The following DNAH5 variants were observed in gnomAD, a reference collection of about 807,000 sequenced individuals.
DNAH5 encodes axonemal beta dynein heavy chain 5.
DNAH5 carries 372 observed loss-of-function variants against 518.2 expected under a neutral mutation model. The ratio of observed to expected loss-of-function variants is 0.72; its 90% CI spans 0.66 to 0.78. The LOEUF (loss-of-function observed/expected upper bound fraction) is 0.78. Among genes scored for constraint, DNAH5 ranks in the 30% least tolerant of loss-of-function variants. The pLI, the probability that DNAH5 is intolerant of heterozygous loss-of-function variation, is 0.00. For missense variants in DNAH5, 5,523 were observed against 5,687.0 expected (o/e 0.97, Z 0.93); for synonymous variants, 2,039 against 2,025.9 (o/e 1.01, Z -0.17).
chr5:13,909,837 A>G (rs781100975), intron 12 of DNAH5, among the ~76,000 whole-genome samples: 14 of 152,230 alleles, frequency 9.2e-5, no homozygotes, highest in Non-Finnish European at 1.6e-4. Flanking sequence ...TTCTGTATTC[A>G]TAACCTACAG....
chr5:13,876,123 AG>A (rs1770855519), intron 22 of DNAH5, among the ~76,000 whole-genome samples: 1 of 152,204 alleles, frequency 6.6e-6, no homozygotes, highest in Non-Finnish European at 1.5e-5. Flanking sequence ...TGAACAAAAA[AG>A]GGGAAGTTGA....
intron 55 of DNAH5, among the ~76,000 whole-genome samples, chr5:13,774,134 A>G (rs947292036): frequency 1.3e-5 from 2 of 152,166 alleles, no homozygotes; most frequent in Non-Finnish European, 2.9e-5. Flanking sequence ...TCTGTCTGCA[A>G]TGTGAGATGG....
intron 78 of DNAH5, among the ~76,000 whole-genome samples, chr5:13,698,173 T>C (rs1452960840): frequency 6.6e-6 from 1 of 152,204 alleles, no homozygotes; most frequent in Non-Finnish European, 1.5e-5. Flanking sequence ...GGTGGCATCA[T>C]GCCCTTGGAC....
At chr5:13,868,879 G>T (rs1769673053) in intron 24 of DNAH5, among the ~76,000 whole-genome samples, 1 of 152,128 alleles carries the variant, frequency 6.6e-6, no homozygotes, top group African/African-American at 2.4e-5. Context: ...GTGTCTGGGG[G>T]TATGAAAGGG....
rs570033144 is a variant in DNAH5 at position 13,852,446 on chromosome 5, C to T, written c.4951-1631G>A. ...CCTCCCAAATTGCTGGGATTACAGG[C>T]GTGAGCCACCACGCCCAGCCAGTTT... On this transcript the variant is annotated intron_variant, in intron 30 of 78. Transcript: ENST00000265104. 1.1e-4 allele frequency among the ~76,000 whole-genome samples: 17 copies of T among 151,574 alleles called. No homozygotes were observed. The South Asian group carries it at 2.3e-3, about 21-fold the overall frequency.
chr5:13,808,711 G>C (rs1480105705), intron 46 of DNAH5, among the ~76,000 whole-genome samples: 1 of 151,398 alleles, frequency 6.6e-6, no homozygotes, highest in African/African-American at 2.4e-5. Context: ...TGTAATCCCA[G>C]CACTTTGGGA....
At chr5:13,759,812 A>AT (rs1281218571) in intron 60 of DNAH5, among the ~76,000 whole-genome samples, 47 of 152,348 alleles carry the variant, frequency 3.1e-4, no homozygotes, top group African/African-American at 1.1e-3. Flanking sequence ...TAAAGTGTTA[A>AT]TATTGACTTT....
chr5:13,777,219 C>G lies in DNAH5; in HGVS notation c.9088G>C (p.Val3030Leu), dbSNP rs772987380. Residue 3030 changes from valine to leucine, a missense_variant, in exon 54 of 79, where the codon GTT (valine) becomes CTT (leucine). Physicochemically the swap from Val to Leu is conservative, Grantham distance 32. This residue lies in a region of DNAH5 where 5,121 missense variants were observed against 5,223.3 expected (regional missense o/e 0.98). Coordinates refer to ENST00000265104, the MANE Select transcript of DNAH5 (RefSeq NM_001369.3). Reference protein sequence around the residue: ...DESFLEYMNNVLSSGEVSNLF... With the variant: ...DESFLEYMNNLLSSGEVSNLF... ...GCTCCTACCTCACCTGATGATAAAACATTGTTCATATATTCCAAAAATGAC... is the reference window on the plus strand; with the variant it reads ...GCTCCTACCTCACCTGATGATAAAAGATTGTTCATATATTCCAAAAATGAC... 1.4e-5 allele frequency: 22 copies of G among 1,612,648 alleles called. 1 individual carries two copies. The South Asian group carries it at 2.4e-4, about 18-fold the overall frequency.
intron 69 of DNAH5, among the ~76,000 whole-genome samples, chr5:13,728,499 T>A (rs944163012): frequency 5.9e-5 from 9 of 152,182 alleles, no homozygotes; most frequent in Admixed American, 2.0e-4. Flanking sequence ...TTGAGGGGTT[T>A]CGTGCATAAG....
intron 16 of DNAH5, among the ~76,000 whole-genome samples, chr5:13,893,386 C>G (rs563818973): frequency 1.3e-5 from 2 of 152,140 alleles, no homozygotes; most frequent in African/African-American, 4.8e-5. Flanking sequence ...TGAAGAGAGA[C>G]TAAGTATATA....
chr5:13,867,855 C>A lies in DNAH5; in HGVS notation c.3972G>T (p.Gln1324His). Residue 1324 changes from glutamine to histidine, a missense_variant, in exon 25 of 79, where the codon CAG becomes CAT. Gln to His is a conservative substitution (Grantham distance 24, BLOSUM62 0). Coordinates refer to ENST00000265104, the MANE Select transcript of DNAH5 (RefSeq NM_001369.3). The part of the protein sequence containing the change: ...GEVQNKLVSL[Q>H]PSFKKELISA... ...TAATAAGCTCTTTCTTGAAACTGGG[C>A]TGCAGTGAGACTAATTTATTCTGGA... 1 of 1,614,106 alleles carries A rather than the reference C, an allele frequency of 6.2e-7. No individual in the cohort carries two copies. Among genetic ancestry groups the A allele is most frequent in the South Asian group, 1.1e-5 (1 of 91,078 alleles).
At chr5:13,984,323 T>A (rs1374975922) in intron 1 of DNAH5, among the ~76,000 whole-genome samples, 1 of 152,242 alleles carries the variant, frequency 6.6e-6, no homozygotes, top group East Asian at 1.9e-4. Context: ...AATTTGGCTC[T>A]CTGTCTGTCT....
rs1166740813 is a variant in DNAH5 at position 13,809,102 on chromosome 5, G to C, written c.7694C>G (p.Pro2565Arg). 6.2e-7 allele frequency: 1 copy of C among 1,614,028 alleles called. No homozygotes were observed. Among genetic ancestry groups the C allele is most frequent in the Non-Finnish European group, 8.5e-7 (1 of 1,180,034 alleles). ...TTPEYGSILV[P>R]NVDNVRTDFL... ...GTCAGTCCTCACATTGTCAACATTT[G>C]GCACCAGAATAGAACCATACTCTGG... Residue 2565 changes from proline to arginine, a missense_variant, in exon 46 of 79, where the codon CCA becomes CGA. By Grantham distance (103) the Pro-to-Arg change is moderately radical (BLOSUM62 -2). Around this residue, in one of 3 missense-constraint regions of DNAH5, gnomAD observed 5,121 missense variants for 5,223.3 expected, o/e 0.98. Transcript: ENST00000265104.
rs973106947 is a variant in DNAH5 at position 13,777,346 on chromosome 5, G to A, written c.8961C>T (p.Asn2987=). ...SFQITLTRSY[N]TSNLMEDLKV... is the part of the protein sequence containing the mutation. Reference sequence around the variant, plus strand: ...TCAGATCTTCCATCAGATTTGATGTGTTGTAGGATCTAAAGAAATATTTTC... The same window carrying A: ...TCAGATCTTCCATCAGATTTGATGTATTGTAGGATCTAAAGAAATATTTTC... Residue 2987 remains asparagine (N), a synonymous_variant, in exon 54 of 79, where the codon AAC becomes AAT. Transcript: ENST00000265104. The A allele has an allele frequency of 1.9e-6, 3 of 1,612,996 alleles. No individual in the cohort carries two copies. The African/African-American group carries it at 4.0e-5, about 22-fold the overall frequency.
In DNAH5 at chr5:13,913,855, G is replaced by A; in HGVS notation, c.1424C>T (p.Thr475Ile). 6.2e-7 allele frequency: 1 copy of A among 1,613,626 alleles called. No individual in the cohort carries two copies. The highest frequency in any genetic ancestry group is 2.2e-5 in the East Asian group (1 of 44,854). ...TATCTTGGCAAGGCGTCGGTGAAAA[G>A]TTTCGAATTTTCCAAAAATATACAT... ...SEMYIFGKFE[T>I]FHRRLAKIID... Residue 475 changes from threonine (T) to isoleucine (I), a missense_variant, in exon 11 of 79, where the codon ACT becomes ATT. Thr to Ile is a moderately conservative substitution (Grantham distance 89, BLOSUM62 -1). This residue lies in a region of DNAH5 where 5,121 missense variants were observed against 5,223.3 expected (regional missense o/e 0.98). Transcript: ENST00000265104.
At position 13,814,838 on chromosome 5, in the gene DNAH5, T is replaced by C. The variant is rs768564673; in HGVS notation, c.6997A>G (p.Ile2333Val). 3.7e-6 allele frequency: 6 copies of C among 1,613,602 alleles called. No homozygotes were observed. The highest frequency in any genetic ancestry group is 4.2e-6 in the Non-Finnish European group (5 of 1,179,914). The change falls in exon 43 of 79, where the codon ATC (isoleucine) becomes GTC (valine). Residue 2333 changes from isoleucine (I) to valine (V), a missense_variant. Around this residue, in one of 3 missense-constraint regions of DNAH5, gnomAD observed 5,121 missense variants for 5,223.3 expected, o/e 0.98. Transcript: ENST00000265104. ...ACTGGACCATCAAGAATTATCCAGA[T>C]ATGTTCCCCTAGAATACCCCACCAA... Reference protein sequence around the residue: ...KTLRAKKGEHIWIILDGPVDA... With the variant: ...KTLRAKKGEHVWIILDGPVDA...
chr5:13,731,691 T>C (rs1746581041), intron 68 of DNAH5, among the ~76,000 whole-genome samples: 1 of 152,208 alleles, frequency 6.6e-6, no homozygotes, highest in African/African-American at 2.4e-5. Flanking sequence ...GTTTTTACCG[T>C]AATACTTTGT....
At chr5:13,920,049 G>A (rs1165877500) in intron 6 of DNAH5, among the ~76,000 whole-genome samples, 1 of 152,182 alleles carries the variant, frequency 6.6e-6, no homozygotes, top group Non-Finnish European at 1.5e-5. Context: ...GCATGGCTCA[G>A]GCTAGTGGAT....
In DNAH5 at chr5:13,850,337, A is replaced by G. The variant is rs143602346; in HGVS notation, c.5114+315T>C. Among the ~76,000 whole-genome samples the G allele has an allele frequency of 3.0e-3, 450 of 152,318 alleles. 3 individuals are homozygous for G. Among genetic ancestry groups the G allele is most frequent in the Non-Finnish European group, 4.7e-3 (320 of 68,036 alleles). ...GAGTATAATAAAATATGTTGGTTCT[A>G]TAAATGTTTATTCAAGAAGAATGTC... On this transcript the variant is annotated intron_variant, in intron 31 of 78. Coordinates refer to ENST00000265104, the MANE Select transcript of DNAH5 (RefSeq NM_001369.3).
Sources: allele counts gnomAD v4.1 joint callset (sites outside exome capture counted in the v4.1 genomes callset), GRCh38; gene constraint gnomAD v4.1.1; regional missense constraint gnomAD v4.1.1; transcripts MANE v1.5; gene names NCBI Gene and HGNC (gene_info 2026-07-23, HGNC 2026-07-21).